CNTNAP3: variants seen among roughly 807,000 people sequenced by gnomAD.
The protein encoded by CNTNAP3 is contactin-associated protein-like 3.
A neutral mutation model predicts 92.1 loss-of-function variants in CNTNAP3; 36 were observed. The ratio of observed to expected loss-of-function variants is 0.39; its 90% CI spans 0.30 to 0.52. The LOEUF (loss-of-function observed/expected upper bound fraction) is 0.52. CNTNAP3 is among the 20% of genes least tolerant of loss of function. CNTNAP3 has a pLI of 0.76. For synonymous variants in CNTNAP3, 232 were observed against 422.3 expected, an observed-to-expected ratio of 0.55 and a Z score of 5.53; for missense variants, 534 against 1,069.6, an observed-to-expected ratio of 0.50 and a Z score of 6.98.
chr9:39,145,139 G>T (rs1206751449), intron 10 of CNTNAP3, among the ~76,000 whole-genome samples: 1 of 138,954 alleles, frequency 7.2e-6, no homozygotes, highest in Non-Finnish European at 1.6e-5. Flanking sequence ...AGGATTGTTA[G>T]GGGAACAGGG....
chr9:39,088,925 T>A (rs949836459), intron 18 of CNTNAP3, among the ~76,000 whole-genome samples: 3 of 152,366 alleles, frequency 2.0e-5, no homozygotes, highest in African/African-American at 7.2e-5. Flanking sequence ...TATTTACATA[T>A]AACTAATTCT....
intron 13 of CNTNAP3, among the ~76,000 whole-genome samples, chr9:39,118,647 T>C (rs1017891098): frequency 1.7e-4 from 26 of 152,344 alleles, no homozygotes; most frequent in African/African-American, 5.8e-4. Flanking sequence ...TTTAATATTA[T>C]ACAAAGACAT....
In CNTNAP3 at chr9:39,109,043, G is replaced by A. The variant is rs1220863664; in HGVS notation, c.2365+117C>T. The stretch of plus-strand genomic sequence containing the variant: ...TGGTATGTGTGTTTTCCTGATATTC[G>A]CCCCAGTCCTAGTACTGCCACTATT... On this transcript the variant is annotated intron_variant, in intron 15 of 23. Coordinates refer to ENST00000297668, the MANE Select transcript of CNTNAP3 (RefSeq NM_033655.5). 180 of 1,436,162 alleles carry A rather than the reference G, an allele frequency of 1.3e-4. No homozygotes were observed. In the South Asian group the frequency reaches 2.3e-3, roughly 18 times the overall value. The allele number at this position is 1,436,162 out of a possible 1,614,324, so 89.0% of individuals were successfully genotyped here. A position where few individuals can be genotyped will look rare whatever the true frequency, so the allele number is the denominator to read the frequency against.
At chr9:39,103,613 T>C in intron 16 of CNTNAP3, 131 bp downstream of exon 16, 1 of 1,148,110 alleles carries the variant, frequency 8.7e-7, no homozygotes, top group Non-Finnish European at 1.2e-6. Flanking sequence ...TTACCTAAAA[T>C]CATAGAAGTT....
chr9:39,170,694 G>A (rs551872311), intron 8 of CNTNAP3, among the ~76,000 whole-genome samples: 11 of 13,396 alleles, frequency 8.2e-4, no homozygotes, highest in Non-Finnish European at 1.2e-3. Context: ...CTGTGTGTGG[G>A]GTGGGCATTG....
rs2990051 is a variant in CNTNAP3 at position 39,070,995 on chromosome 9, G to C, written c.*2895C>G. ...TTCTCTATGGATTGAAGTTAAGAGA[G>C]AGAAGTGCCAGGAGTTCAGTCCACG... On this transcript the variant is annotated 3_prime_UTR_variant, in exon 24 of 24. Transcript: ENST00000297668. Among the ~76,000 whole-genome samples, 7 of 151,960 alleles carry C rather than the reference G, an allele frequency of 4.6e-5. No homozygotes were observed. Among genetic ancestry groups the C allele is most frequent in the African/African-American group, 1.2e-4 (5 of 41,388 alleles).
At chr9:39,133,944 T>C (rs996813433) in intron 12 of CNTNAP3, among the ~76,000 whole-genome samples, 1 of 152,322 alleles carries the variant, frequency 6.6e-6, no homozygotes, top group Non-Finnish European at 1.5e-5. Context: ...ATGGACATTT[T>C]ACATAAAAAT....
intron 14 of CNTNAP3, among the ~76,000 whole-genome samples, chr9:39,112,390 A>G (rs2117926362): frequency 6.6e-6 from 1 of 152,018 alleles, no homozygotes; most frequent in Admixed American, 6.5e-5. Flanking sequence ...TTTGAGACAG[A>G]GTCTCACTCT....
intron 16 of CNTNAP3, among the ~76,000 whole-genome samples, chr9:39,103,253 AC>A (rs1194549486): frequency 6.6e-6 from 1 of 152,284 alleles, no homozygotes; most frequent in African/African-American, 2.4e-5. Context: ...ATGGATTATT[AC>A]GTGCTTCATG....
intron 10 of CNTNAP3, among the ~76,000 whole-genome samples, chr9:39,148,849 A>G (rs979451932): frequency 1.3e-5 from 2 of 152,146 alleles, no homozygotes; most frequent in Non-Finnish European, 2.9e-5. Context: ...TAATTTTTAA[A>G]TCTGTAGCAT....
chr9:39,109,326 T>C lies in CNTNAP3; in HGVS notation c.2238-39A>G, dbSNP rs763565895. ...ACCGAAACCATTAAAATTATTCTGATTAACATACGGGCAAAATTAACTCTG... is the reference window on the plus strand; with the variant it reads ...ACCGAAACCATTAAAATTATTCTGACTAACATACGGGCAAAATTAACTCTG... On this transcript the variant is annotated intron_variant, in intron 14 of 23. Coordinates refer to ENST00000297668, the MANE Select transcript of CNTNAP3 (RefSeq NM_033655.5). 3 of 1,607,518 alleles carry C rather than the reference T, an allele frequency of 1.9e-6. No individual in the cohort carries two copies. The South Asian group carries it at 3.3e-5, about 18-fold the overall frequency.
chr9:39,075,617 C>G (rs1423708137), intron 23 of CNTNAP3, among the ~76,000 whole-genome samples: 3 of 152,304 alleles, frequency 2.0e-5, no homozygotes, highest in Non-Finnish European at 4.4e-5. Context: ...ACCATTCTTA[C>G]CAGCTCAGGG....
At chr9:39,079,200 A>G (rs1825872095) in intron 21 of CNTNAP3, among the ~76,000 whole-genome samples, 1 of 152,072 alleles carries the variant, frequency 6.6e-6, no homozygotes, top group African/African-American at 2.4e-5. Context: ...AAGCGGTTAC[A>G]TGGCATAAAT....
chr9:39,125,795 G>A (rs1280397602), intron 13 of CNTNAP3, among the ~76,000 whole-genome samples: 1 of 152,180 alleles, frequency 6.6e-6, no homozygotes, highest in Admixed American at 6.5e-5. Flanking sequence ...AATGCTTAAT[G>A]TGTATATACC....
At chr9:39,094,991 GTTCT>G (rs996369823) in intron 18 of CNTNAP3, among the ~76,000 whole-genome samples, 1 of 151,122 alleles carries the variant, frequency 6.6e-6, no homozygotes, top group African/African-American at 2.4e-5. Context: ...CATCTATTTA[GTTCT>G]TTCTTTAATC....
intron 12 of CNTNAP3, among the ~76,000 whole-genome samples, chr9:39,137,107 C>G (rs570693132): frequency 6.6e-6 from 1 of 151,824 alleles, no homozygotes; most frequent in South Asian, 2.1e-4. Context: ...CTAGAATTCT[C>G]TTTACACGTA....
At chr9:39,081,871 G>A (rs1245435321) in intron 21 of CNTNAP3, among the ~76,000 whole-genome samples, 3 of 147,856 alleles carry the variant, frequency 2.0e-5, no homozygotes, top group African/African-American at 7.5e-5. Context: ...GAGGTCAGGA[G>A]ATCAAGACCA....
At position 39,149,957 on chromosome 9, in the gene CNTNAP3, C is replaced by G. The variant is rs1283342042; in HGVS notation, c.1498G>C (p.Gly500Arg). The change falls in exon 10 of 24, where the codon GGC (glycine) becomes CGC (arginine). Residue 500 changes from glycine to arginine, a missense_variant. Transcript: ENST00000297668. ...YFGGCLDNSS[G>R]SGCKSPLGGF... Reference sequence around the variant, plus strand: ...CCCAGGGGGCTTTTACATCCAGAGCCAGAGCTGTTGTCCAGGCAGCCTAAA... The same window carrying G: ...CCCAGGGGGCTTTTACATCCAGAGCGAGAGCTGTTGTCCAGGCAGCCTAAA... 9.3e-6 allele frequency: 15 copies of G among 1,611,762 alleles called. No individual in the cohort carries two copies. Among genetic ancestry groups the G allele is most frequent in the Non-Finnish European group, 1.3e-5 (15 of 1,179,810 alleles).
chr9:39,168,355 A>T (rs1822211589), intron 8 of CNTNAP3, among the ~76,000 whole-genome samples: 1 of 147,894 alleles, frequency 6.8e-6, no homozygotes, highest in Non-Finnish European at 1.5e-5. Flanking sequence ...GAATTGTAGA[A>T]AATTGAAAGC....
Sources: gnomAD v4.1 joint callset for allele counts (sites outside exome capture counted in the v4.1 genomes callset) on GRCh38, gnomAD v4.1.1 for gene constraint, MANE v1.5 for transcripts, NCBI Gene and HGNC (gene_info 2026-07-23, HGNC 2026-07-21) for gene names.